ZFYVE26: variants seen among roughly 807,000 people sequenced by gnomAD.
ZFYVE26 encodes the protein zinc finger FYVE domain-containing protein 26.
In ZFYVE26, 181 loss-of-function variants were observed where a neutral mutation model predicts 276.5. The ratio of observed to expected loss-of-function variants is 0.65; its 90% CI spans 0.58 to 0.74. The LOEUF (loss-of-function observed/expected upper bound fraction) is 0.74. Ranked by LOEUF, ZFYVE26 falls within the 30% of genes least tolerant of loss-of-function variation. The pLI is 0.00. For missense variants in ZFYVE26, 2,821 were observed against 3,097.9 expected (o/e 0.91, Z 2.12); for synonymous variants, 1,129 against 1,203.1 (o/e 0.94, Z 1.27).
chr14:67,762,546 G>C, intron 33 of ZFYVE26, 126 bp downstream of exon 33: 1 of 1,555,756 alleles, frequency 6.4e-7, no homozygotes, highest in Non-Finnish European at 8.7e-7. Context: ...TGGCAAACTA[G>C]TCATGTCCCC....
At chr14:67,775,163 T>G in intron 26 of ZFYVE26, 49 bp from the exon 27 acceptor site, 1 of 1,290,696 alleles carries the variant, frequency 7.7e-7, no homozygotes, top group African/African-American at 1.5e-5. Context: ...CATAAGTATC[T>G]TGATTCACCA....
At chr14:67,739,043 C>A (rs142270128) in intron 13 of ZFYVE26, among the ~76,000 whole-genome samples, 1 of 152,286 alleles carries the variant, frequency 6.6e-6, no homozygotes, top group Non-Finnish European at 1.5e-5. Context: ...CCCAAGGCAA[C>A]CGTGCGGATC....
downstream of ZFYVE26, among the ~76,000 whole-genome samples, chr14:67,745,220 T>C (rs1205273102): frequency 1.3e-5 from 2 of 152,266 alleles, no homozygotes; most frequent in Admixed American, 6.5e-5. Context: ...TTTTGAGAAG[T>C]ATCTGTTCAT....
rs2039564734 is a variant in ZFYVE26 at position 67,783,486 on chromosome 14, A to G, written c.3666T>C (p.Ser1222=). The G allele has an allele frequency of 1.2e-6, 2 of 1,613,784 alleles. No homozygotes were observed. The highest frequency in any genetic ancestry group is 4.5e-5 in the East Asian group (2 of 44,876). The change falls in exon 21 of 42, where the codon AGT becomes AGC. Residue 1222 remains serine, a synonymous_variant. Transcript: ENST00000347230. Reference sequence around the variant, plus strand: ...AGCAGCTGACGATGACCTGTGGCACACTTAGGCTGAGATTCTCTTGGGCCA... The same window carrying G: ...AGCAGCTGACGATGACCTGTGGCACGCTTAGGCTGAGATTCTCTTGGGCCA... ...ALLAQENLSL[S]VPQVIVSCCC...
At chr14:67,780,110 C>T (rs1184724823) in intron 23 of ZFYVE26, 131 bp downstream of exon 23, 16 of 891,536 alleles carry the variant, frequency 1.8e-5, no homozygotes, top group South Asian at 1.6e-4. Flanking sequence ...CCGCCCGCCT[C>T]GGCCAGAATG....
chr14:67,765,748 T>C (rs972618140), intron 32 of ZFYVE26, among the ~76,000 whole-genome samples: 2 of 152,214 alleles, frequency 1.3e-5, no homozygotes, highest in Non-Finnish European at 2.9e-5. Flanking sequence ...GACACAGGAA[T>C]AGACCAATTC....
At chr14:67,739,524 T>A (rs2038391278) in intron 13 of ZFYVE26, among the ~76,000 whole-genome samples, 2 of 152,100 alleles carry the variant, frequency 1.3e-5, no homozygotes, top group South Asian at 4.1e-4. Flanking sequence ...TTTTTTTTTT[T>A]ACTTTTTTTT....
chr14:67,788,523 A>G (rs554585991), intron 16 of ZFYVE26, among the ~76,000 whole-genome samples: 1 of 152,350 alleles, frequency 6.6e-6, no homozygotes, highest in African/African-American at 2.4e-5. Flanking sequence ...CTGTGTAGCC[A>G]CAGGGAGAGG....
rs749448410 is a variant in ZFYVE26, at chr14:67,802,873, T to C, written c.1436-591A>G. 4.6e-5 allele frequency among the ~76,000 whole-genome samples: 7 copies of C among 152,126 alleles called. No individual in the cohort carries two copies. The South Asian group carries it at 1.2e-3, about 27-fold the overall frequency. On this transcript the variant is annotated intron_variant, in intron 9 of 41. Transcript: ENST00000347230. ...AAAGCAACATCCAGGCTGGGAAACC[T>C]CAAATGCCATGTAAGAAAGTTTGTG...
intron 31 of ZFYVE26, 57 bp downstream of exon 31, chr14:67,767,647 C>T: frequency 6.2e-7 from 1 of 1,612,106 alleles, no homozygotes; most frequent in Admixed American, 1.7e-5. Context: ...TATTTCTTGT[C>T]ATACTGCTAC....
At chr14:67,799,376 C>T in intron 10 of ZFYVE26, 1 of 1,611,238 alleles carries the variant, frequency 6.2e-7, no homozygotes, top group Non-Finnish European at 8.5e-7. Flanking sequence ...AGAATCGAAA[C>T]AAAAGATGAA....
intron 13 of ZFYVE26, among the ~76,000 whole-genome samples, chr14:67,740,848 G>C (rs1332548370): frequency 6.6e-6 from 1 of 151,884 alleles, no homozygotes; most frequent in African/African-American, 2.4e-5. Context: ...GGCAGAAGTT[G>C]CAGTGAGCCG....
At position 67,766,285 on chromosome 14, in the gene ZFYVE26, T is replaced by C; in HGVS notation, c.5953A>G (p.Ser1985Gly). The C allele has an allele frequency of 6.2e-7, 1 of 1,613,960 alleles. No homozygotes were observed. The highest frequency in any genetic ancestry group is 8.5e-7 in the Non-Finnish European group (1 of 1,180,030). ...LTDIMKQLLF[S>G]AKMMFVKAGQ... ...GCTTTGACGAACATCATCTTGGCGC[T>C]GAACAGCAGCTGCTTCATGATGTCC... Residue 1985 changes from serine to glycine, a missense_variant, in exon 32 of 42, where the codon AGC becomes GGC. Ser to Gly is a moderately conservative substitution (Grantham distance 56). Transcript: ENST00000347230.
chr14:67,807,125 G>A (rs2040197407), intron 5 of ZFYVE26, among the ~76,000 whole-genome samples: 1 of 151,970 alleles, frequency 6.6e-6, no homozygotes, highest in African/African-American at 2.4e-5. Context: ...AATTTTTTTT[G>A]TAGAGATGGG....
rs1418611287 is a variant in ZFYVE26, at chr14:67,778,264, C to A, written c.4675-16G>T. On this transcript the variant is annotated splice_polypyrimidine_tract_variant and intron_variant, in intron 23 of 41. Transcript: ENST00000347230. ...GTTCATACTCCTGGAAGGAAACACA[C>A]ATGCCTTCAACCCCTTTACATGACT... The A allele has an allele frequency of 1.5e-5, 24 of 1,614,122 alleles. No individual in the cohort carries two copies. Among genetic ancestry groups the A allele is most frequent in the Non-Finnish European group, 1.9e-5 (23 of 1,179,964 alleles).
intron 16 of ZFYVE26, among the ~76,000 whole-genome samples, chr14:67,788,462 C>T (rs2039713841): frequency 6.6e-6 from 1 of 152,140 alleles, no homozygotes; most frequent in Non-Finnish European, 1.5e-5. Context: ...TATACAACAC[C>T]TTGCAACTGC....
intron 16 of ZFYVE26, among the ~76,000 whole-genome samples, chr14:67,788,938 C>A (rs1424191122): frequency 2.6e-5 from 4 of 152,154 alleles, no homozygotes; most frequent in Non-Finnish European, 2.9e-5. Context: ...CTGTTATTCA[C>A]CTCAAGGTAT....
chr14:67,738,964 G>A (rs938567523), intron 13 of ZFYVE26, among the ~76,000 whole-genome samples: 9 of 152,196 alleles, frequency 5.9e-5, no homozygotes, highest in East Asian at 1.9e-4. Context: ...AATTGTTCTC[G>A]CCTTGGGAAA....
chr14:67,784,943 C>A (rs1035671600), intron 19 of ZFYVE26, 116 bp downstream of exon 19: 7 of 1,072,136 alleles, frequency 6.5e-6, no homozygotes, highest in African/African-American at 4.7e-5. Flanking sequence ...CCTTATAAAT[C>A]TAGTGTTCTT....
Sources: gnomAD v4.1 joint callset for allele counts (sites outside exome capture counted in the v4.1 genomes callset) on GRCh38, gnomAD v4.1.1 for gene constraint, MANE v1.5 for transcripts, NCBI Gene and HGNC (gene_info 2026-07-23, HGNC 2026-07-21) for gene names.